ABLIM3: variants seen among roughly 807,000 people sequenced by gnomAD.
ABLIM3 encodes the protein actin binding LIM protein family member 3.
A neutral mutation model predicts 109.5 loss-of-function variants in ABLIM3; 61 were observed. The ratio of observed to expected loss-of-function variants is 0.56; its 90% CI spans 0.45 to 0.69. The LOEUF (loss-of-function observed/expected upper bound fraction) is 0.69, where lower values mean the gene tolerates loss of function less well. ABLIM3 is among the 30% of genes least tolerant of loss of function. ABLIM3 has a pLI of 0.00. For synonymous variants in ABLIM3, 300 were observed against 324.8 expected (o/e 0.92, Z 0.82); for missense variants, 796 against 889.5 (o/e 0.89, Z 1.34).
At chr5:149,169,233 A>C (rs1185929644) in intron 2 of ABLIM3, among the ~76,000 whole-genome samples, 2 of 152,156 alleles carry the variant, frequency 1.3e-5, no homozygotes, top group African/African-American at 2.4e-5. Context: ...TGAACAATCT[A>C]AACACATTTA....
At chr5:149,233,744 CAT>C (rs944104245) in intron 10 of ABLIM3, among the ~76,000 whole-genome samples, 3 of 152,192 alleles carry the variant, frequency 2.0e-5, no homozygotes, top group African/African-American at 7.2e-5. Flanking sequence ...AAGGAAGCCA[CAT>C]ACACATGTGG....
chr5:149,252,074 G>C, intron 21 of ABLIM3, 127 bp from the exon 22 acceptor site: 1 of 1,050,368 alleles, frequency 9.5e-7, no homozygotes, highest in African/African-American at 1.6e-5. Flanking sequence ...CAAGGTCTCT[G>C]ATGGTCAAGA....
chr5:149,258,139 C>T (rs1186374331), intron 23 of ABLIM3, 152 bp from the exon 24 acceptor site: 1 of 600,328 alleles, frequency 1.7e-6, no homozygotes, highest in African/African-American at 1.9e-5. Context: ...ATATTCATCA[C>T]ACATTCCCCA....
intron 3 of ABLIM3, among the ~76,000 whole-genome samples, chr5:149,195,204 G>A (rs1581100635): frequency 6.6e-6 from 1 of 152,180 alleles, no homozygotes; most frequent in South Asian, 2.1e-4. Context: ...AAATCTCCCA[G>A]CACTTGAGTG....
intron 2 of ABLIM3, among the ~76,000 whole-genome samples, chr5:149,172,604 T>C (rs1381031648): frequency 6.6e-6 from 1 of 152,214 alleles, no homozygotes; most frequent in Non-Finnish European, 1.5e-5. Context: ...TCTGTCTGGA[T>C]GCAGAGACCC....
intron 2 of ABLIM3, among the ~76,000 whole-genome samples, chr5:149,163,747 T>C (rs1754588381): frequency 6.6e-6 from 1 of 152,140 alleles, no homozygotes; most frequent in African/African-American, 2.4e-5. Flanking sequence ...GACTTCATCA[T>C]GTGAATTTGG....
chr5:149,153,040 T>G (rs1224806631), intron 2 of ABLIM3, among the ~76,000 whole-genome samples: 1 of 152,084 alleles, frequency 6.6e-6, no homozygotes, highest in Non-Finnish European at 1.5e-5. Context: ...AGTTAACGCA[T>G]TCATGAAAAG....
intron 5 of ABLIM3, among the ~76,000 whole-genome samples, chr5:149,206,172 A>C (rs2127507711): frequency 6.6e-6 from 1 of 152,260 alleles, no homozygotes; most frequent in Non-Finnish European, 1.5e-5. Context: ...CCCTCCTCAG[A>C]CATTCATTGA....
At chr5:149,158,536 C>T (rs1038946886) in intron 2 of ABLIM3, among the ~76,000 whole-genome samples, 1 of 152,094 alleles carries the variant, frequency 6.6e-6, no homozygotes, top group Non-Finnish European at 1.5e-5. Context: ...ATATACTTGA[C>T]TCTATGCAAG....
chr5:149,175,079 G>A (rs2127465538), intron 2 of ABLIM3, among the ~76,000 whole-genome samples: 1 of 152,340 alleles, frequency 6.6e-6, no homozygotes, highest in South Asian at 2.1e-4. Flanking sequence ...GTGGTGATTG[G>A]CAGAAGCCCA....
intron 5 of ABLIM3, among the ~76,000 whole-genome samples, chr5:149,206,442 C>A (rs1307248033): frequency 6.6e-6 from 1 of 152,190 alleles, no homozygotes. Context: ...TGAGTTACTG[C>A]TATGGGCTGA....
intron 16 of ABLIM3, among the ~76,000 whole-genome samples, chr5:149,246,191 T>C (rs1315138756): frequency 1.3e-5 from 2 of 151,910 alleles, no homozygotes; most frequent in Non-Finnish European, 2.9e-5. Flanking sequence ...AAAGGATGAC[T>C]CGTTCGCTAC....
intron 6 of ABLIM3, among the ~76,000 whole-genome samples, chr5:149,207,445 A>G (rs1486611536): frequency 6.6e-6 from 1 of 151,888 alleles, no homozygotes; most frequent in Admixed American, 6.6e-5. Context: ...CCCTCAGAGT[A>G]CCTTGTTGTT....
chr5:149,169,726 A>C (rs1455465435), intron 2 of ABLIM3, among the ~76,000 whole-genome samples: 3 of 152,002 alleles, frequency 2.0e-5, no homozygotes, highest in Non-Finnish European at 4.4e-5. Context: ...TTCCTCTCCC[A>C]CCATTCCCCC....
At chr5:149,187,325 A>G (rs1457972213) in intron 3 of ABLIM3, among the ~76,000 whole-genome samples, 3 of 152,244 alleles carry the variant, frequency 2.0e-5, no homozygotes, top group Non-Finnish European at 4.4e-5. Flanking sequence ...AGCCGATCTT[A>G]AAAGTAGCCA....
At position 149,148,621 on chromosome 5, in the gene ABLIM3, A is replaced by T. The variant is rs559690640; in HGVS notation, c.13+6513A>T. On this transcript the variant is annotated intron_variant, in intron 2 of 23. Transcript: ENST00000309868. ...GCGATCGGCCGCATCCCTACTCTGT[A>T]TCACACTCTGCTTAAAGTGAGGCTC... Among the ~76,000 whole-genome samples, 5 of 152,146 alleles carry T rather than the reference A, an allele frequency of 3.3e-5. 1 individual carries two copies. The highest frequency in any genetic ancestry group is 1.2e-4 in the African/African-American group (5 of 41,510).
chr5:149,242,154 G>A (rs1412007435), intron 14 of ABLIM3, among the ~76,000 whole-genome samples: 2 of 152,150 alleles, frequency 1.3e-5, no homozygotes, highest in Non-Finnish European at 2.9e-5. Flanking sequence ...TGTGGCCACT[G>A]GTGGAGGCAG....
intron 23 of ABLIM3, among the ~76,000 whole-genome samples, chr5:149,253,727 C>T (rs1385768355): frequency 2.0e-5 from 3 of 152,106 alleles, no homozygotes; most frequent in African/African-American, 7.2e-5. Flanking sequence ...TTGAGCAGTC[C>T]AGACCACCTG....
intron 3 of ABLIM3, among the ~76,000 whole-genome samples, chr5:149,190,296 T>A (rs1213826275): frequency 6.6e-6 from 1 of 152,242 alleles, no homozygotes; most frequent in African/African-American, 2.4e-5. Flanking sequence ...GTGGTAATGA[T>A]TGCACAACTT....
Sources: gnomAD v4.1 joint callset for allele counts (sites outside exome capture counted in the v4.1 genomes callset) on GRCh38, gnomAD v4.1.1 for gene constraint, MANE v1.5 for transcripts, NCBI Gene and HGNC (gene_info 2026-07-23, HGNC 2026-07-21) for gene names.